Variants in USP34 observed in about 807,000 individuals in gnomAD.
USP34 encodes ubiquitin specific peptidase 34.
Under a neutral mutation model 460.3 loss-of-function variants are expected in USP34, and 70 were observed. The observed-to-expected ratio is 0.15, with a 90% confidence interval of 0.13 to 0.19. The LOEUF (loss-of-function observed/expected upper bound fraction) is 0.19, where lower values mean the gene tolerates loss of function less well. Among genes scored for constraint, USP34 ranks in the 10% least tolerant of loss-of-function variants. The pLI, the probability that USP34 is intolerant of heterozygous loss-of-function variation, is 1.00. For missense variants in USP34, 3,985 were observed against 4,236.2 expected (o/e 0.94, Z 1.65); for synonymous variants, 1,647 against 1,405.3 (o/e 1.17, Z -3.85).
rs566868362 is a variant in USP34, at chr2:61,255,543, G to T, written c.6221+841C>A. 2.8e-4 allele frequency among the ~76,000 whole-genome samples: 43 copies of T among 152,308 alleles called. No individual in the cohort carries two copies. In the South Asian group the frequency reaches 6.8e-3, roughly 24 times the overall value. On this transcript the variant is annotated intron_variant, in intron 48 of 79. Coordinates refer to ENST00000398571, the MANE Select transcript of USP34 (RefSeq NM_014709.4). ...CACATGTAAAATGGGGATAATAACA[G>T]CATCTATTGCAAAGAAATGCTGTGA...
In USP34 at chr2:61,467,432, G is replaced by A. The variant is rs963831049; in HGVS notation, c.43+3218C>T. ...CCTGCCGAGGCGGGATTACAGGGGC[G>A]CACCACCACGTCTGACTGTTTTGTG... On this transcript the variant is annotated intron_variant, in intron 1 of 79. Coordinates refer to ENST00000398571, the MANE Select transcript of USP34 (RefSeq NM_014709.4). 7.9e-5 allele frequency among the ~76,000 whole-genome samples: 12 copies of A among 151,534 alleles called. No homozygotes were observed. The East Asian group carries it at 1.6e-3, about 20-fold the overall frequency.
intron 43 of USP34, among the ~76,000 whole-genome samples, chr2:61,262,539 G>A (rs1017004089): frequency 1.3e-5 from 2 of 152,122 alleles, no homozygotes; most frequent in Non-Finnish European, 2.9e-5. Flanking sequence ...TGGCTGCATA[G>A]TGTTCTATGC....
At position 61,383,341 on chromosome 2, in the gene USP34, A is replaced by G. The variant is rs371534084; in HGVS notation, c.754-5T>C. On this transcript the variant is annotated splice_region_variant and splice_polypyrimidine_tract_variant and intron_variant, in intron 5 of 79. Transcript: ENST00000398571. ...AATATGTAGCCATATTCTAATCTAT[A>G]TAAGAAACATAAAAACAACATTAAT... 29 of 1,585,598 alleles carry G rather than the reference A, an allele frequency of 1.8e-5. No homozygotes were observed. The highest frequency in any genetic ancestry group is 2.7e-5 in the African/African-American group (2 of 74,036).
intron 1 of USP34, among the ~76,000 whole-genome samples, chr2:61,427,774 A>G (rs1425909904): frequency 6.6e-6 from 1 of 152,226 alleles, no homozygotes; most frequent in Admixed American, 6.5e-5. Context: ...AGACTATTTG[A>G]AAACACCCAA....
chr2:61,383,569 G>A (rs1693041522), intron 5 of USP34, among the ~76,000 whole-genome samples: 1 of 151,940 alleles, frequency 6.6e-6, no homozygotes, highest in Admixed American at 6.6e-5. Flanking sequence ...CGGGCATGGT[G>A]GCGCGCACCT....
chr2:61,248,397 T>C, intron 49 of USP34, 114 bp downstream of exon 49: 1 of 1,061,552 alleles, frequency 9.4e-7, no homozygotes, highest in Non-Finnish European at 1.3e-6. Flanking sequence ...ACCTTCTCCC[T>C]TCTAAGATTC....
chr2:61,393,869 C>T (rs1348004195), intron 5 of USP34, among the ~76,000 whole-genome samples: 4 of 151,994 alleles, frequency 2.6e-5, no homozygotes, highest in African/African-American at 4.8e-5. Context: ...CGGGCACAGT[C>T]GCTCACGCCT....
In USP34 at chr2:61,383,371, A is replaced by G. The variant is rs1693033208; in HGVS notation, c.754-35T>C. 2.1e-6 allele frequency: 3 copies of G among 1,429,738 alleles called. No individual in the cohort carries two copies. The East Asian group carries it at 6.9e-5, about 33-fold the overall frequency. 88.6% of individuals were successfully genotyped at this position (1,429,738 alleles called of 1,614,324 possible). A position where few individuals can be genotyped will look rare whatever the true frequency, so the allele number is the denominator to read the frequency against. ...AAACATAAAAACAACATTAATGCCT[A>G]ATATGTGAAATACATATATCTTTCA... On this transcript the variant is annotated intron_variant, in intron 5 of 79. Coordinates refer to ENST00000398571, the MANE Select transcript of USP34 (RefSeq NM_014709.4).
chr2:61,388,191 T>G (rs1274031026), intron 5 of USP34, among the ~76,000 whole-genome samples: 2 of 151,786 alleles, frequency 1.3e-5, no homozygotes, highest in African/African-American at 4.8e-5. Context: ...TGCAACGAAT[T>G]GAGATCACCC....
intron 58 of USP34, 118 bp from the exon 59 acceptor site, chr2:61,229,751 G>C: frequency 1.3e-6 from 1 of 787,766 alleles, no homozygotes; most frequent in Non-Finnish European, 2.0e-6. Flanking sequence ...GATTATCTTG[G>C]TATTCTGGAG....
chr2:61,321,722 C>T (rs17482440), intron 21 of USP34, among the ~76,000 whole-genome samples: 74,215 of 151,878 alleles, frequency 0.49, 19,015 homozygotes, highest in South Asian at 0.74. Flanking sequence ...ACACAACTTA[C>T]GAAGTATTCT....
At chr2:61,348,564 A>C in intron 14 of USP34, 84 bp from the exon 15 acceptor site, 3 of 1,501,486 alleles carry the variant, frequency 2.0e-6, no homozygotes, top group Non-Finnish European at 2.7e-6. Context: ...TGTACTTTTT[A>C]AAAAGGCTGC....
At chr2:61,439,615 G>T (rs372065845) in intron 1 of USP34, among the ~76,000 whole-genome samples, 4 of 152,136 alleles carry the variant, frequency 2.6e-5, no homozygotes, top group East Asian at 1.9e-4. Context: ...GATATCTGAC[G>T]GGGACTCCTG....
intron 67 of USP34, among the ~76,000 whole-genome samples, chr2:61,217,805 A>C (rs1687445303): frequency 6.6e-6 from 1 of 152,056 alleles, no homozygotes; most frequent in Non-Finnish European, 1.5e-5. Flanking sequence ...ATACAAAAAA[A>C]TTAGCCAGGC....
chr2:61,319,489 A>G (rs970648533), intron 21 of USP34, among the ~76,000 whole-genome samples, 162 bp from the exon 22 acceptor site: 1 of 151,988 alleles, frequency 6.6e-6, no homozygotes, highest in Non-Finnish European at 1.5e-5. Context: ...ACTTTACCAT[A>G]TGTTAATTGA....
chr2:61,257,421 T>C (rs2060824), intron 44 of USP34, 71 bp from the exon 45 acceptor site: 650,653 of 1,281,982 alleles, frequency 0.51, 169,589 homozygotes, highest in African/African-American at 0.72. Flanking sequence ...TCAATGAACA[T>C]ATAACAAAAA....
At chr2:61,290,902 G>A (rs567396911) in intron 33 of USP34, among the ~76,000 whole-genome samples, 7 of 152,170 alleles carry the variant, frequency 4.6e-5, no homozygotes, top group Middle Eastern at 3.4e-3. Flanking sequence ...AGGGGATTAG[G>A]TAACGGTTTT....
At chr2:61,205,949 C>T (rs1326215853) in intron 72 of USP34, 68 bp downstream of exon 72, 3 of 1,225,968 alleles carry the variant, frequency 2.4e-6, no homozygotes, top group African/African-American at 3.0e-5. Context: ...GGCTTAACAT[C>T]ACGGAAAAAC....
At chr2:61,327,690 T>C (rs936697895) in intron 20 of USP34, among the ~76,000 whole-genome samples, 3 of 152,212 alleles carry the variant, frequency 2.0e-5, no homozygotes, top group East Asian at 1.9e-4. Context: ...AGTCCCTTTG[T>C]ACTCCCACAG....
Sources: gnomAD v4.1 joint callset for allele counts (sites outside exome capture counted in the v4.1 genomes callset) on GRCh38, gnomAD v4.1.1 for gene constraint, MANE v1.5 for transcripts, NCBI Gene and HGNC (gene_info 2026-07-23, HGNC 2026-07-21) for gene names.